Variants in ADCY10 observed in about 807,000 individuals in gnomAD.
ADCY10 encodes the protein adenylate cyclase type 10.
In ADCY10, 156 loss-of-function variants were observed where a neutral mutation model predicts 183.3. That is an observed-to-expected ratio of 0.85 (90% CI 0.75 to 0.97). The LOEUF (loss-of-function observed/expected upper bound fraction) is 0.97. ADCY10 is among the 50% of genes least tolerant of loss of function. ADCY10 has a pLI of 0.00. For synonymous variants in ADCY10, 645 were observed against 670.0 expected, an observed-to-expected ratio of 0.96 and a Z score of 0.58; for missense variants, 1,745 against 1,934.3, an observed-to-expected ratio of 0.90 and a Z score of 1.84.
chr1:167,868,416 A>T (rs1433113109), intron 14 of ADCY10, among the ~76,000 whole-genome samples: 1 of 152,182 alleles, frequency 6.6e-6, no homozygotes, highest in African/African-American at 2.4e-5. Context: ...CTGTAGGATG[A>T]CTTAGTTGCC....
At chr1:167,879,054 A>G (rs1458453761) in intron 11 of ADCY10, among the ~76,000 whole-genome samples, 2 of 152,202 alleles carry the variant, frequency 1.3e-5, no homozygotes, top group Non-Finnish European at 2.9e-5. Flanking sequence ...GCTCCTATGA[A>G]TAAACCTTCA....
At chr1:167,882,935 T>A in intron 9 of ADCY10, among the ~76,000 whole-genome samples, 1 of 152,090 alleles carries the variant, frequency 6.6e-6, no homozygotes, top group East Asian at 1.9e-4. Context: ...ATGAAATGAG[T>A]CAATAGAGAT....
chr1:167,833,885 G>A (rs932873694), intron 24 of ADCY10, 85 bp downstream of exon 24: 10 of 1,064,584 alleles, frequency 9.4e-6, no homozygotes, highest in Admixed American at 7.8e-5. Flanking sequence ...GGAGGAGGGT[G>A]TAGAAAGTAT....
At chr1:167,824,985 A>G (rs1422723435) in intron 26 of ADCY10, 130 bp from the exon 27 acceptor site, 5 of 917,800 alleles carry the variant, frequency 5.4e-6, no homozygotes, top group Admixed American at 2.0e-5. Flanking sequence ...GGCCGAAGCC[A>G]TGGGCTTAGA....
At position 167,897,504 on chromosome 1, in the gene ADCY10, A is replaced by AT. The variant is rs914811977; in HGVS notation, c.643-814_643-813insA. Among the ~76,000 whole-genome samples, 64 of 95,156 alleles carry AT rather than the reference A, an allele frequency of 6.7e-4. 1 individual carries two copies. Among genetic ancestry groups the AT allele is most frequent in the African/African-American group, 1.4e-3 (28 of 19,822 alleles). 62.4% of individuals were successfully genotyped at this position (95,156 alleles called of 152,430 possible). On this transcript the variant is annotated intron_variant, in intron 6 of 32. Coordinates refer to ENST00000367851, the MANE Select transcript of ADCY10 (RefSeq NM_018417.6). ...AGAGTAAGATTCCATCTCAAAAAAA[A>AT]ATATATATATATGTATATATATATA...
chr1:167,830,693 C>T (rs1484159385), intron 25 of ADCY10, among the ~76,000 whole-genome samples: 1 of 151,920 alleles, frequency 6.6e-6, no homozygotes, highest in Non-Finnish European at 1.5e-5. Context: ...TGCGCCTGGC[C>T]AAAAAATGAG....
At chr1:167,912,040 T>C (rs1670177219) in intron 1 of ADCY10, among the ~76,000 whole-genome samples, 1 of 152,266 alleles carries the variant, frequency 6.6e-6, no homozygotes, top group Admixed American at 6.5e-5. Flanking sequence ...AGAAATTTTC[T>C]ATTTTTGAAG....
intron 7 of ADCY10, 139 bp from the exon 8 acceptor site, chr1:167,894,080 C>G: frequency 1.4e-6 from 1 of 692,732 alleles, no homozygotes; most frequent in Non-Finnish European, 2.7e-6. Context: ...TCTGGGACAC[C>G]TAGGGGCTGA....
intron 31 of ADCY10, among the ~76,000 whole-genome samples, chr1:167,814,111 C>T (rs922579022): frequency 1.3e-5 from 2 of 152,006 alleles, no homozygotes; most frequent in African/African-American, 4.8e-5. Flanking sequence ...CAAAATGATA[C>T]ACACAAGTCC....
intron 7 of ADCY10, 99 bp from the exon 8 acceptor site, chr1:167,894,040 G>T: frequency 2.5e-6 from 2 of 809,638 alleles, no homozygotes; most frequent in Non-Finnish European, 2.1e-6. Flanking sequence ...TGGGCAGTGG[G>T]CCTTCTTGTC....
chr1:167,870,477 T>C, intron 13 of ADCY10, 67 bp from the exon 14 acceptor site: 2 of 1,377,312 alleles, frequency 1.5e-6, no homozygotes, highest in South Asian at 2.4e-5. Flanking sequence ...ATATAAAAAG[T>C]CACATAGAAA....
intron 23 of ADCY10, among the ~76,000 whole-genome samples, chr1:167,835,042 A>G (rs1204512650): frequency 6.6e-6 from 1 of 152,188 alleles, no homozygotes; most frequent in Non-Finnish European, 1.5e-5. Flanking sequence ...TTAATTTTAT[A>G]ATTTTATATA....
rs1457966168 is a variant in ADCY10 at position 167,845,708 on chromosome 1, G to T, written c.2862C>A (p.Ala954=). ...TGTGGGCATCTTCTTCTAAAAAGCG[G>T]GCACATTTCAAGTGCATGGCTTTTC... ...DQRKAMHLKC[A]RFLEEDAHRC... The change falls in exon 21 of 33, where the codon GCC becomes GCA. Residue 954 remains alanine (A), a synonymous_variant. Coordinates refer to ENST00000367851, the MANE Select transcript of ADCY10 (RefSeq NM_018417.6). 10 of 1,614,130 alleles carry T rather than the reference G, an allele frequency of 6.2e-6. No individual in the cohort carries two copies. In the South Asian group the frequency reaches 8.8e-5, roughly 14 times the overall value.
At chr1:167,822,712 C>T (rs1010374664) in intron 29 of ADCY10, among the ~76,000 whole-genome samples, 1 of 152,212 alleles carries the variant, frequency 6.6e-6, no homozygotes, top group Non-Finnish European at 1.5e-5. Flanking sequence ...GTAAAAGGCA[C>T]ATAGTAAGAC....
chr1:167,856,245 A>G lies in ADCY10; in HGVS notation c.2091T>C (p.Ile697=). 1.9e-6 allele frequency: 3 copies of G among 1,613,880 alleles called. No individual in the cohort carries two copies. In the South Asian group the frequency reaches 3.3e-5, roughly 18 times the overall value. The change falls in exon 17 of 33, where the codon ATT becomes ATC. Residue 697 remains isoleucine, a synonymous_variant. Coordinates refer to ENST00000367851, the MANE Select transcript of ADCY10 (RefSeq NM_018417.6). ...IKNRNTTYIV[I]GAVQPNDISN... The stretch of plus-strand genomic sequence containing the variant: ...AGATGTCGTTAGGCTGTACTGCACC[A>G]ATGACAATGTAGGTGGTGTTCCTGT...
chr1:167,828,888 G>A (rs1326510594), intron 26 of ADCY10, among the ~76,000 whole-genome samples: 1 of 152,104 alleles, frequency 6.6e-6, no homozygotes, highest in African/African-American at 2.4e-5. Flanking sequence ...CTTGAACCCG[G>A]GAAGTGGAGG....
At chr1:167,818,662 C>T (rs35061776) in intron 30 of ADCY10, among the ~76,000 whole-genome samples, 16,790 of 152,082 alleles carry the variant, frequency 0.11, 1,190 homozygotes, top group Non-Finnish European at 0.16. Context: ...CTCAGCCTCC[C>T]GAGTAGCTGG....
At chr1:167,852,492 TAAAC>T (rs1350467565) in intron 18 of ADCY10, among the ~76,000 whole-genome samples, 1 of 152,066 alleles carries the variant, frequency 6.6e-6, no homozygotes, top group African/African-American at 2.4e-5. Flanking sequence ...ATTGAACAAG[TAAAC>T]AAAGTAAACA....
chr1:167,886,725 A>C (rs1299495321), intron 8 of ADCY10, among the ~76,000 whole-genome samples: 2 of 152,236 alleles, frequency 1.3e-5, no homozygotes, highest in East Asian at 1.9e-4. Context: ...AGAGCTTCTG[A>C]ACAGCAAAAG....
Sources: allele counts gnomAD v4.1 joint callset (sites outside exome capture counted in the v4.1 genomes callset), GRCh38; gene constraint gnomAD v4.1.1; transcripts MANE v1.5; gene names NCBI Gene and HGNC (gene_info 2026-07-23, HGNC 2026-07-21).